PPP4R2: variants seen among roughly 807,000 people sequenced by gnomAD.
The protein encoded by PPP4R2 is serine/threonine-protein phosphatase 4 regulatory subunit 2.
Under a neutral mutation model 47.2 loss-of-function variants are expected in PPP4R2, and 13 were observed. The observed-to-expected ratio is 0.28, with a 90% confidence interval of 0.18 to 0.44. The LOEUF is 0.44. Ranked by LOEUF, PPP4R2 falls within the 20% of genes least tolerant of loss-of-function variation. The probability of loss-of-function intolerance (pLI) is 1.00; values close to 1 mark genes in which losing one functional copy is unlikely to be tolerated. For missense variants in PPP4R2, 421 were observed against 491.2 expected (o/e 0.86, Z 1.35); for synonymous variants, 151 against 163.3 (o/e 0.92, Z 0.57).
chr3:73,018,059 AG>A (rs1213031010), intron 2 of PPP4R2, among the ~76,000 whole-genome samples: 2 of 152,152 alleles, frequency 1.3e-5, no homozygotes, highest in South Asian at 2.1e-4. Flanking sequence ...TGGGGAAACT[AG>A]GAGGTATGGT....
At position 73,020,672 on chromosome 3, in the gene PPP4R2, TAA is replaced by T. The variant is rs1553646728; in HGVS notation, c.116+22532_116+22533del. The stretch of plus-strand genomic sequence containing the variant: ...GCCACAGAGTGAGACCCTGTCTCTT[TAA>T]AAAAAAAAAAAAAAAAAGTTAAAAA... On this transcript the variant is annotated intron_variant, in intron 2 of 8. Coordinates refer to ENST00000356692, the MANE Select transcript of PPP4R2 (RefSeq NM_174907.4). Among the ~76,000 whole-genome samples, 106 of 133,200 alleles carry T rather than the reference TAA, an allele frequency of 8.0e-4. 2 individuals are homozygous for T. The highest frequency in any genetic ancestry group is 1.9e-3 in the Admixed American group (25 of 13,326). 87.4% of individuals were successfully genotyped at this position (133,200 alleles called of 152,430 possible).
chr3:73,012,523 G>C (rs1701746463), intron 2 of PPP4R2, among the ~76,000 whole-genome samples: 1 of 152,094 alleles, frequency 6.6e-6, no homozygotes, highest in Non-Finnish European at 1.5e-5. Flanking sequence ...GGATGGTCTT[G>C]ATCTCCTGAC....
chr3:73,065,318 A>G (rs1329145235), intron 8 of PPP4R2, 79 bp from the exon 9 acceptor site: 23 of 1,404,216 alleles, frequency 1.6e-5, no homozygotes, highest in Non-Finnish European at 2.0e-5. Context: ...GAACTATAGA[A>G]TATCAGAATT....
chr3:73,025,109 T>C (rs752885343), intron 2 of PPP4R2, among the ~76,000 whole-genome samples: 1 of 152,178 alleles, frequency 6.6e-6, no homozygotes, highest in Non-Finnish European at 1.5e-5. Flanking sequence ...CAGAGCTGGC[T>C]ACTGGAGGCC....
chr3:73,055,532 T>C (rs376390686), intron 3 of PPP4R2, among the ~76,000 whole-genome samples: 1 of 151,694 alleles, frequency 6.6e-6, no homozygotes, highest in Non-Finnish European at 1.5e-5. Context: ...TGTTACTGGA[T>C]GTTGTAGGCA....
At chr3:73,042,714 A>G (rs1023373755) in intron 2 of PPP4R2, among the ~76,000 whole-genome samples, 15 of 152,236 alleles carry the variant, frequency 9.9e-5, no homozygotes, top group Admixed American at 7.9e-4. Context: ...TTTTTATCAA[A>G]TAGTTGTCCT....
At chr3:73,062,605 T>G (rs1559570076) in intron 5 of PPP4R2, 1 of 1,614,038 alleles carries the variant, frequency 6.2e-7, no homozygotes, top group Non-Finnish European at 8.5e-7. Context: ...CCTAACTTTA[T>G]TGCCCTTGAG....
At chr3:73,056,032 C>A (rs1259934547) in intron 3 of PPP4R2, among the ~76,000 whole-genome samples, 1 of 152,206 alleles carries the variant, frequency 6.6e-6, no homozygotes, top group African/African-American at 2.4e-5. Flanking sequence ...ACGCTCCTCT[C>A]CCTATATTTG....
intron 2 of PPP4R2, among the ~76,000 whole-genome samples, chr3:73,037,511 T>G (rs1044782619): frequency 2.0e-5 from 3 of 152,200 alleles, no homozygotes; most frequent in Non-Finnish European, 4.4e-5. Flanking sequence ...TAGAGACTTT[T>G]TTTTACCACT....
intron 3 of PPP4R2, among the ~76,000 whole-genome samples, chr3:73,055,602 T>C (rs1230522589): frequency 1.3e-5 from 2 of 152,036 alleles, no homozygotes; most frequent in Non-Finnish European, 2.9e-5. Context: ...CCTTATATCA[T>C]CTTAGTTTTC....
In PPP4R2 at chr3:73,053,061, T is replaced by G. The variant is rs150015875; in HGVS notation, c.287+5705T>G. Among the ~76,000 whole-genome samples the G allele has an allele frequency of 5.2e-3, 791 of 152,364 alleles. 7 individuals are homozygous for G. The highest frequency in any genetic ancestry group is 0.018 in the African/African-American group (762 of 41,592). ...GACTGAGAGAATGGGTCCTTAGCCGTTTATTACTTTGTTCTCTGACACTGT... is the reference window on the plus strand; with the variant it reads ...GACTGAGAGAATGGGTCCTTAGCCGGTTATTACTTTGTTCTCTGACACTGT... On this transcript the variant is annotated intron_variant, in intron 3 of 8. Transcript: ENST00000356692.
chr3:73,019,057 T>C (rs1057005614), intron 2 of PPP4R2, among the ~76,000 whole-genome samples: 3 of 152,204 alleles, frequency 2.0e-5, no homozygotes, highest in African/African-American at 7.2e-5. Context: ...TAGTCATCGA[T>C]GGACCACATA....
chr3:73,040,851 A>T (rs1378791129), intron 2 of PPP4R2, among the ~76,000 whole-genome samples: 1 of 152,168 alleles, frequency 6.6e-6, no homozygotes, highest in Non-Finnish European at 1.5e-5. Flanking sequence ...AAATTATGGC[A>T]CAAATACGTG....
chr3:73,008,055 C>G, intron 2 of PPP4R2, among the ~76,000 whole-genome samples: 1 of 86,284 alleles, frequency 1.2e-5, no homozygotes, highest in African/African-American at 4.6e-5. Flanking sequence ...CCTCCCATAA[C>G]CACTGTGTTA....
chr3:73,000,687 ATATATG>A (rs1701440458), intron 2 of PPP4R2, among the ~76,000 whole-genome samples: 1 of 152,208 alleles, frequency 6.6e-6, no homozygotes, highest in Non-Finnish European at 1.5e-5. Context: ...GAGGGAAACT[ATATATG>A]TATATAACTA....
At chr3:73,024,342 C>T (rs1702017154) in intron 2 of PPP4R2, among the ~76,000 whole-genome samples, 1 of 152,030 alleles carries the variant, frequency 6.6e-6, no homozygotes, top group South Asian at 2.1e-4. Flanking sequence ...AATAAAGTTA[C>T]TTTATTGGTA....
intron 2 of PPP4R2, among the ~76,000 whole-genome samples, chr3:73,023,315 TAG>T (rs1173345016): frequency 2.0e-5 from 3 of 151,918 alleles, no homozygotes; most frequent in Non-Finnish European, 4.4e-5. Context: ...GCCTCCCGAG[TAG>T]CTCAGATTAC....
intron 3 of PPP4R2, among the ~76,000 whole-genome samples, chr3:73,050,207 T>G (rs1702582606): frequency 6.6e-6 from 1 of 152,054 alleles, no homozygotes; most frequent in African/African-American, 2.4e-5. Context: ...TCAAGTAATC[T>G]ACCTGCCTCA....
chr3:73,039,042 C>T (rs187808715), intron 2 of PPP4R2, among the ~76,000 whole-genome samples: 16 of 152,178 alleles, frequency 1.1e-4, no homozygotes, highest in Admixed American at 1.0e-3. Context: ...AGTTTATGAG[C>T]AAGAAAATAT....
Sources: gnomAD v4.1 joint callset for allele counts (sites outside exome capture counted in the v4.1 genomes callset) on GRCh38, gnomAD v4.1.1 for gene constraint, MANE v1.5 for transcripts, NCBI Gene and HGNC (gene_info 2026-07-23, HGNC 2026-07-21) for gene names.